Variants in ARID5B observed in about 807,000 individuals in gnomAD.
The protein encoded by ARID5B is AT-rich interaction domain 5B.
Under a neutral mutation model 97.2 loss-of-function variants are expected in ARID5B, and 13 were observed. The ratio of observed to expected loss-of-function variants is 0.13; its 90% CI spans 0.09 to 0.21. The LOEUF is 0.21. Ranked by LOEUF, ARID5B falls within the 10% of genes least tolerant of loss-of-function variation. The probability of loss-of-function intolerance (pLI) is 1.00; values close to 1 mark genes in which losing one functional copy is unlikely to be tolerated. For synonymous variants in ARID5B, 556 were observed against 570.3 expected, an observed-to-expected ratio of 0.97 and a Z score of 0.36; for missense variants, 1,210 against 1,465.3, an observed-to-expected ratio of 0.83 and a Z score of 2.84.
chr10:62,015,640 T>C (rs1380226067), intron 4 of ARID5B, among the ~76,000 whole-genome samples: 1 of 152,116 alleles, frequency 6.6e-6, no homozygotes, highest in African/African-American at 2.4e-5. Flanking sequence ...GTTTTCTTTT[T>C]TGAGACAGAG....
intron 3 of ARID5B, among the ~76,000 whole-genome samples, chr10:61,943,940 T>A (rs967268239): frequency 2.0e-5 from 3 of 152,214 alleles, no homozygotes; most frequent in Non-Finnish European, 2.9e-5. Context: ...TTTCTGCTTT[T>A]TAAAACTCTC....
intron 8 of ARID5B, among the ~76,000 whole-genome samples, chr10:62,084,037 C>A (rs1305566175): frequency 6.6e-6 from 1 of 152,174 alleles, no homozygotes; most frequent in Admixed American, 6.5e-5. Flanking sequence ...AGGGCAGTTT[C>A]CAGTTTTAGC....
In ARID5B at chr10:62,091,692, T is replaced by C. The variant is rs185901431; in HGVS notation, c.2229T>C (p.His743=). 3 of 1,614,138 alleles carry C rather than the reference T, an allele frequency of 1.9e-6. No individual in the cohort carries two copies. In the African/African-American group the frequency reaches 4.0e-5, roughly 22 times the overall value. Reference sequence around the variant, plus strand: ...CCCACCATGGCCAAAGCACTGACCATATGGCGGTCAGCCGGCCATCAGTGA... The same window carrying C: ...CCCACCATGGCCAAAGCACTGACCACATGGCGGTCAGCCGGCCATCAGTGA... ...SQTHHGQSTD[H]MAVSRPSVIQ... The change falls in exon 10 of 10, where the codon CAT becomes CAC. Residue 743 remains histidine, a synonymous_variant. Transcript: ENST00000279873.
intron 5 of ARID5B, among the ~76,000 whole-genome samples, chr10:62,054,906 C>CA (rs1468968788): frequency 1.3e-5 from 2 of 152,162 alleles, no homozygotes; most frequent in Non-Finnish European, 2.9e-5. Flanking sequence ...CTAGTTTCCT[C>CA]AACTGTAAAA....
At chr10:61,967,606 G>A (rs901001062) in intron 3 of ARID5B, among the ~76,000 whole-genome samples, 1 of 152,188 alleles carries the variant, frequency 6.6e-6, no homozygotes, top group African/African-American at 2.4e-5. Context: ...AGTGGAGCTG[G>A]TTGATGGCTA....
intron 5 of ARID5B, 49 bp from the exon 6 acceptor site, chr10:62,057,068 C>T (rs1472442819): frequency 1.3e-6 from 2 of 1,578,530 alleles, no homozygotes; most frequent in East Asian, 4.5e-5. Flanking sequence ...TCTTGGTAAG[C>T]ATCCTGGGGC....
At chr10:61,912,794 A>G (rs1200789878) in intron 2 of ARID5B, among the ~76,000 whole-genome samples, 1 of 151,948 alleles carries the variant, frequency 6.6e-6, no homozygotes, top group Non-Finnish European at 1.5e-5. Flanking sequence ...GAAGTCTCGC[A>G]TGCTACAGAG....
At position 62,002,144 on chromosome 10, in the gene ARID5B, T is replaced by C. The variant is rs7902308; in HGVS notation, c.733+1823T>C. 5.2e-3 allele frequency among the ~76,000 whole-genome samples: 785 copies of C among 152,360 alleles called. 8 individuals are homozygous for C. The highest frequency in any genetic ancestry group is 0.018 in the African/African-American group (750 of 41,594). On this transcript the variant is annotated intron_variant, in intron 4 of 9. Coordinates refer to ENST00000279873, the MANE Select transcript of ARID5B (RefSeq NM_032199.3). ...AACGTAATATGAGGAAAAAAATGTT[T>C]TAACCTTTCTGGTTAATTTAAGAAT...
At position 62,092,599 on chromosome 10, in the gene ARID5B, G is replaced by A; in HGVS notation, c.3136G>A (p.Ala1046Thr). The A allele has an allele frequency of 1.2e-6, 2 of 1,614,204 alleles. No homozygotes were observed. Among genetic ancestry groups the A allele is most frequent in the Non-Finnish European group, 1.7e-6 (2 of 1,180,034 alleles). ...CAAGGAGGTCTCTGGGAAGGAGAAG[G>A]CCTCTGAGCAGGAGAGTGAAGGCAG... The part of the protein sequence containing the change: ...PSKEVSGKEK[A>T]SEQESEGSKA... The change falls in exon 10 of 10, where the codon GCC (alanine) becomes ACC (threonine). Residue 1046 changes from alanine to threonine, a missense_variant. Around this residue, in one of 8 missense-constraint regions of ARID5B, gnomAD observed 800 missense variants for 839.1 expected, o/e 0.95. Transcript: ENST00000279873.
chr10:62,084,913 A>G (rs1211502878), intron 8 of ARID5B, among the ~76,000 whole-genome samples: 2 of 152,102 alleles, frequency 1.3e-5, no homozygotes, highest in African/African-American at 4.8e-5. Context: ...CTAAAACAGA[A>G]CTCCTAGTGG....
intron 3 of ARID5B, among the ~76,000 whole-genome samples, chr10:61,970,040 T>C (rs371336976): frequency 6.6e-6 from 1 of 152,206 alleles, no homozygotes; most frequent in East Asian, 1.9e-4. Context: ...ATCCATTCAT[T>C]ATGTTGATAT....
chr10:62,071,768 A>G (rs894165594), intron 8 of ARID5B, among the ~76,000 whole-genome samples: 2 of 152,196 alleles, frequency 1.3e-5, no homozygotes, highest in Non-Finnish European at 2.9e-5. Context: ...GCAATTAAGA[A>G]ACATGATTAA....
intron 2 of ARID5B, among the ~76,000 whole-genome samples, chr10:61,939,953 T>C (rs539527344): frequency 6.6e-6 from 1 of 152,356 alleles, no homozygotes; most frequent in African/African-American, 2.4e-5. Context: ...TTGGATACTT[T>C]CTAATTGTAT....
Position 61,960,773 on chromosome 10 carries a change from G to A in ARID5B, c.502+20365G>A, listed in dbSNP as rs150679065. Reference sequence around the variant, plus strand: ...TTGTTAGGTATATCATAGGTGCTCCGTAGGTATGTTGGATGAATGGATGGA... The same window carrying A: ...TTGTTAGGTATATCATAGGTGCTCCATAGGTATGTTGGATGAATGGATGGA... On this transcript the variant is annotated intron_variant, in intron 3 of 9. Transcript: ENST00000279873. Among the ~76,000 whole-genome samples the A allele has an allele frequency of 2.2e-3, 342 of 152,282 alleles. 3 individuals carry two copies. The highest frequency in any genetic ancestry group is 7.9e-3 in the African/African-American group (328 of 41,548).
At chr10:62,037,748 C>A (rs1035017503) in intron 4 of ARID5B, among the ~76,000 whole-genome samples, 1 of 152,138 alleles carries the variant, frequency 6.6e-6, no homozygotes. Context: ...TCAGCTTGCA[C>A]AATAGTACAA....
At chr10:62,076,666 G>A (rs962432289) in intron 8 of ARID5B, among the ~76,000 whole-genome samples, 1 of 151,696 alleles carries the variant, frequency 6.6e-6, no homozygotes, top group African/African-American at 2.4e-5. Flanking sequence ...CAACTGAAAT[G>A]AGCAAAGTCC....
intron 5 of ARID5B, among the ~76,000 whole-genome samples, chr10:62,054,749 C>G (rs1332747121): frequency 6.6e-6 from 1 of 152,156 alleles, no homozygotes; most frequent in Admixed American, 6.5e-5. Flanking sequence ...CCCATTATCA[C>G]TGCAAATTTA....
chr10:61,979,698 C>G (rs1276863693), intron 3 of ARID5B, among the ~76,000 whole-genome samples: 2 of 152,206 alleles, frequency 1.3e-5, no homozygotes, highest in Non-Finnish European at 2.9e-5. Flanking sequence ...GTAGCCACAG[C>G]AACCACAGTG....
chr10:61,996,115 C>T (rs1419212371), intron 3 of ARID5B, among the ~76,000 whole-genome samples: 1 of 152,102 alleles, frequency 6.6e-6, no homozygotes, highest in African/African-American at 2.4e-5. Context: ...TATTTCCTAT[C>T]ACATGCATAG....
Sources: allele counts gnomAD v4.1 joint callset (sites outside exome capture counted in the v4.1 genomes callset), GRCh38; gene constraint gnomAD v4.1.1; regional missense constraint gnomAD v4.1.1; transcripts MANE v1.5; gene names NCBI Gene and HGNC (gene_info 2026-07-23, HGNC 2026-07-21).